The following BCAM variants were observed in gnomAD, a reference collection of about 807,000 sequenced individuals.
BCAM encodes the protein basal cell adhesion molecule.
Under a neutral mutation model 72.4 loss-of-function variants are expected in BCAM, and 61 were observed. The observed-to-expected ratio is 0.84, with a 90% CI of 0.69 to 1.04. The LOEUF (loss-of-function observed/expected upper bound fraction) is 1.04. BCAM is among the 50% of genes least tolerant of loss of function. The pLI, the probability that BCAM is intolerant of heterozygous loss-of-function variation, is 0.00. For missense variants in BCAM, 909 were observed against 895.0 expected (o/e 1.02, Z -0.20); for synonymous variants, 408 against 384.2 (o/e 1.06, Z -0.73).
In BCAM at chr19:44,811,332, C is replaced by T; in HGVS notation, c.190C>T (p.Leu64=). 1.2e-6 allele frequency: 2 copies of T among 1,613,104 alleles called. No homozygotes were observed. The highest frequency in any genetic ancestry group is 1.7e-6 in the Non-Finnish European group (2 of 1,179,516). The stretch of plus-strand genomic sequence containing the variant: ...TACGGGAACCCACGACCATTATATG[C>T]TGGAATGGTTCCTTGTGAGTGCTTG... ...TPTGTHDHYM[L]EWFLTDRSGA... The change falls in exon 2 of 15, where the codon CTG becomes TTG. Residue 64 remains leucine (L), a synonymous_variant. Coordinates refer to ENST00000270233, the MANE Select transcript of BCAM (RefSeq NM_005581.5).
chr19:44,817,247 TAAGA>T (rs561698375), intron 8 of BCAM, among the ~76,000 whole-genome samples: 8 of 151,884 alleles, frequency 5.3e-5, no homozygotes, highest in African/African-American at 1.9e-4. Context: ...AAAAAAATAA[TAAGA>T]AGAAGAAATG....
rs934241466 is a variant in BCAM at position 44,814,385 on chromosome 19, C to T, written c.921+97C>T. ...ACTTCTAATGTGGGACCTGGGAGTCCCCATGGCTTAGGCAGCCACCTGATC... is the reference window on the plus strand; with the variant it reads ...ACTTCTAATGTGGGACCTGGGAGTCTCCATGGCTTAGGCAGCCACCTGATC... On this transcript the variant is annotated intron_variant, in intron 7 of 14. Coordinates refer to ENST00000270233, the MANE Select transcript of BCAM (RefSeq NM_005581.5). The surrounding 1 kb of genome is among the most constrained non-coding windows in gnomAD (Gnocchi z 4.6). 1.4e-4 allele frequency: 203 copies of T among 1,499,856 alleles called. No individual in the cohort carries two copies. The highest frequency in any genetic ancestry group is 1.7e-4 in the Non-Finnish European group (191 of 1,127,970). The allele number at this position is 1,499,856 out of a possible 1,614,324, so 92.9% of individuals were successfully genotyped here.
In BCAM at chr19:44,812,907, A is replaced by G; in HGVS notation, c.505-343A>G. The G allele has an allele frequency of 2.4e-6, 1 of 411,060 alleles. No homozygotes were observed. The highest frequency in any genetic ancestry group is 3.2e-5 in the South Asian group (1 of 31,174). The allele number at this position is 411,060 out of a possible 1,614,324, so 25.5% of individuals were successfully genotyped here. On this transcript the variant is annotated intron_variant, in intron 4 of 14. Coordinates refer to ENST00000270233, the MANE Select transcript of BCAM (RefSeq NM_005581.5). The surrounding 1 kb of genome is among the most constrained non-coding windows in gnomAD (Gnocchi z 5.3). ...AGAGGCTACAGTGAGCTAAGATCAC[A>G]CCACTGCACTCCAGCCTGGGCCACA...
At position 44,813,995 on chromosome 19, in the gene BCAM, C is replaced by T. The variant is rs752434465; in HGVS notation, c.785-157C>T. Among the ~76,000 whole-genome samples, 16 of 152,330 alleles carry T rather than the reference C, an allele frequency of 1.1e-4. No individual in the cohort carries two copies. Among genetic ancestry groups the T allele is most frequent in the Middle Eastern group, 3.4e-3 (1 of 294 alleles). ...GTTTATTTCAACCTCTGAACTCTGG[C>T]ACTCAGAATAATTGTGAACCTGAGG... On this transcript the variant is annotated intron_variant, in intron 6 of 14. Coordinates refer to ENST00000270233, the MANE Select transcript of BCAM (RefSeq NM_005581.5). This position sits in a 1 kb window ranked among gnomAD's most constrained non-coding sequence, Gnocchi z 4.2.
rs780193506 is a variant in BCAM, at chr19:44,813,234, C to T, written c.505-16C>T. On this transcript the variant is annotated splice_polypyrimidine_tract_variant and intron_variant, in intron 4 of 14. Transcript: ENST00000270233. The surrounding 1 kb of genome is among the most constrained non-coding windows in gnomAD (Gnocchi z 4.2). ...TCCCAGCTCCAAGCCCAGGGCCATG[C>T]CCGTGTCTGCCTCAGATCGCCACCT... 4 of 1,613,404 alleles carry T rather than the reference C, an allele frequency of 2.5e-6. No individual in the cohort carries two copies. Among genetic ancestry groups the T allele is most frequent in the African/African-American group, 1.3e-5 (1 of 74,932 alleles).
Position 44,814,133 on chromosome 19 carries a change from C to A in BCAM, c.785-19C>A. 1 of 1,569,024 alleles carries A rather than the reference C, an allele frequency of 6.4e-7. No homozygotes were observed. Among genetic ancestry groups the A allele is most frequent in the Admixed American group, 1.9e-5 (1 of 53,724 alleles). On this transcript the variant is annotated intron_variant, in intron 6 of 14. Transcript: ENST00000270233. The surrounding 1 kb of genome is among the most constrained non-coding windows in gnomAD (Gnocchi z 4.6). ...CCCTTCCCCTGATCACAATTCCCAT[C>A]TCCCTGCCCTTCCCTTAGATCCCAC...
intron 1 of BCAM, 74 bp from the exon 2 acceptor site, chr19:44,811,151 G>A (rs995940958): frequency 1.2e-5 from 20 of 1,602,552 alleles, no homozygotes; most frequent in Non-Finnish European, 1.6e-5. Flanking sequence ...CTTGTGTCCT[G>A]GGGGAGAGGG....
rs1345855271 is a variant in BCAM, at chr19:44,812,009, G to A, written c.205-154G>A. The A allele has an allele frequency of 4.2e-6, 3 of 708,378 alleles. No individual in the cohort carries two copies. The highest frequency in any genetic ancestry group is 3.6e-5 in the African/African-American group (2 of 55,108). The allele number at this position is 708,378 out of a possible 1,614,324, so 43.9% of individuals were successfully genotyped here. A position where few individuals can be genotyped will look rare whatever the true frequency, so the allele number is the denominator to read the frequency against. On this transcript the variant is annotated intron_variant, in intron 2 of 14. Coordinates refer to ENST00000270233, the MANE Select transcript of BCAM (RefSeq NM_005581.5). The surrounding 1 kb of genome is among the most constrained non-coding windows in gnomAD (Gnocchi z 5.3). ...AATCAAGAACTGATAGGGAATGGGG[G>A]CAGGAGAAGGTGGGGAGGGACAGAG...
rs1568574058 is a variant in BCAM at position 44,818,528 on chromosome 19, A to G, written c.1085A>G (p.Asp362Gly). ...AGACTGTCCCCCACTGCAGATCTGGACCCCCTGGAGCTCAGCGAGGGGAAG... is the reference window on the plus strand; with the variant it reads ...AGACTGTCCCCCACTGCAGATCTGGGCCCCCTGGAGCTCAGCGAGGGGAAG... Reference protein sequence around the residue: ...KTLELRVAYLDPLELSEGKVL... With the variant: ...KTLELRVAYLGPLELSEGKVL... The change falls in exon 9 of 15, where the codon GAC becomes GGC. Residue 362 changes from aspartate to glycine, a missense_variant. Coordinates refer to ENST00000270233, the MANE Select transcript of BCAM (RefSeq NM_005581.5). This position sits in a 1 kb window ranked among gnomAD's most constrained non-coding sequence, Gnocchi z 4.6. 1 of 1,613,314 alleles carries G rather than the reference A, an allele frequency of 6.2e-7. No individual in the cohort carries two copies. The highest frequency in any genetic ancestry group is 1.7e-5 in the Admixed American group (1 of 59,956).
At position 44,820,711 on chromosome 19, in the gene BCAM, A is replaced by G; in HGVS notation, c.1770A>G (p.Pro590=). The change falls in exon 14 of 15, where the codon CCA becomes CCG. Residue 590 remains proline (P), a synonymous_variant. Coordinates refer to ENST00000270233, the MANE Select transcript of BCAM (RefSeq NM_005581.5). ...CGCTGCCTCCTCCCCCCAGGCCGCC[A>G]GGGGAGCCAGGGCTGAGCCACTCGG... ...RQRREKGAPP[P]GEPGLSHSGS... The G allele has an allele frequency of 1.5e-6, 2 of 1,365,592 alleles. No homozygotes were observed. Among genetic ancestry groups the G allele is most frequent in the East Asian group, 2.9e-5 (1 of 34,480 alleles). The allele number at this position is 1,365,592 out of a possible 1,614,324, so 84.6% of individuals were successfully genotyped here. A position where few individuals can be genotyped will look rare whatever the true frequency, so the allele number is the denominator to read the frequency against.
chr19:44,820,373 C>T lies in BCAM; in HGVS notation c.1764-332C>T, dbSNP rs894393275. 8.9e-6 allele frequency: 10 copies of T among 1,118,016 alleles called. No homozygotes were observed. In the African/African-American group the frequency reaches 1.6e-4, roughly 18 times the overall value. The allele number at this position is 1,118,016 out of a possible 1,614,324, so 69.3% of individuals were successfully genotyped here. A position where few individuals can be genotyped will look rare whatever the true frequency, so the allele number is the denominator to read the frequency against. On this transcript the variant is annotated intron_variant, in intron 13 of 14. Coordinates refer to ENST00000270233, the MANE Select transcript of BCAM (RefSeq NM_005581.5). ...GACTCCAAATCCAACCCCTAAGCCTCCCCAAGCTCCTCCTCATCTAACCTT... is the reference window on the plus strand; with the variant it reads ...GACTCCAAATCCAACCCCTAAGCCTTCCCAAGCTCCTCCTCATCTAACCTT...
chr19:44,809,459 C>T (rs1368599367), intron 1 of BCAM, among the ~76,000 whole-genome samples: 2 of 152,038 alleles, frequency 1.3e-5, no homozygotes, highest in African/African-American at 4.8e-5. Flanking sequence ...ACTCAGCACC[C>T]TGGAATCTGG....
At position 44,813,091 on chromosome 19, in the gene BCAM, A is replaced by T; in HGVS notation, c.505-159A>T. Reference sequence around the variant, plus strand: ...ATGGTGCTGGAGGCCTGGACTCTTTAGTCTGAGTCGGGGACTAGGAATTTG... The same window carrying T: ...ATGGTGCTGGAGGCCTGGACTCTTTTGTCTGAGTCGGGGACTAGGAATTTG... On this transcript the variant is annotated intron_variant, in intron 4 of 14. Transcript: ENST00000270233. The surrounding 1 kb of genome is among the most constrained non-coding windows in gnomAD (Gnocchi z 4.2). 2.7e-6 allele frequency: 2 copies of T among 750,104 alleles called. No homozygotes were observed. Among genetic ancestry groups the T allele is most frequent in the Non-Finnish European group, 4.3e-6 (2 of 469,728 alleles). The allele number at this position is 750,104 out of a possible 1,614,324, so 46.5% of individuals were successfully genotyped here. A position where few individuals can be genotyped will look rare whatever the true frequency, so the allele number is the denominator to read the frequency against.
rs113112320 is a variant in BCAM, at chr19:44,820,440, G to A, written c.1764-265G>A. The A allele has an allele frequency of 4.0e-5, 49 of 1,210,730 alleles. No homozygotes were observed. In the Admixed American group the frequency reaches 9.0e-4, roughly 22 times the overall value. 75.0% of individuals were successfully genotyped at this position (1,210,730 alleles called of 1,614,324 possible). ...ACATGGCCGTCCTCACCTCCAATCC[G>A]TAACCATCCCAGACCGATCCCAAAG... On this transcript the variant is annotated intron_variant, in intron 13 of 14. Transcript: ENST00000270233.
At chr19:44,816,764 C>T (rs965187459) in intron 8 of BCAM, among the ~76,000 whole-genome samples, 14 of 151,558 alleles carry the variant, frequency 9.2e-5, no homozygotes, top group Non-Finnish European at 1.6e-4. Context: ...CATGGTGAAA[C>T]CCCATCTCTA....
In BCAM at chr19:44,818,575, A is replaced by G. The variant is rs1968531587; in HGVS notation, c.1132A>G (p.Ser378Gly). The stretch of plus-strand genomic sequence containing the variant: ...GAAGGTGCTTTCCTTACCTCTAAAC[A>G]GCAGTGCAGTCGTGAACTGCTCCGT... ...EGKVLSLPLN[S>G]SAVVNCSVHG... Residue 378 changes from serine to glycine, a missense_variant, in exon 9 of 15, where the codon AGC becomes GGC. Transcript: ENST00000270233. The surrounding 1 kb of genome is among the most constrained non-coding windows in gnomAD (Gnocchi z 4.6). The G allele has an allele frequency of 6.2e-7, 1 of 1,613,872 alleles. No individual in the cohort carries two copies. The highest frequency in any genetic ancestry group is 8.5e-7 in the Non-Finnish European group (1 of 1,179,952).
chr19:44,819,827 C>T, intron 13 of BCAM, 101 bp downstream of exon 13: 1 of 1,437,532 alleles, frequency 7.0e-7, no homozygotes, highest in Non-Finnish European at 9.1e-7. Flanking sequence ...TATCCTCCAC[C>T]CCACATCCCA....
Position 44,818,922 on chromosome 19 carries a change from G to T in BCAM, c.1336+40G>T. On this transcript the variant is annotated intron_variant, in intron 10 of 14. Coordinates refer to ENST00000270233, the MANE Select transcript of BCAM (RefSeq NM_005581.5). This position sits in a 1 kb window ranked among gnomAD's most constrained non-coding sequence, Gnocchi z 4.6. ...GAGGGGGTGGGCTTGGATGGGGACA[G>T]TGTGGGGTGTGGGACCTGGACAAAC... 6.2e-7 allele frequency: 1 copy of T among 1,605,762 alleles called. No homozygotes were observed. Among genetic ancestry groups the T allele is most frequent in the Non-Finnish European group, 8.5e-7 (1 of 1,175,924 alleles).
At chr19:44,815,258 C>G (rs1025424100) in intron 8 of BCAM, among the ~76,000 whole-genome samples, 1 of 152,140 alleles carries the variant, frequency 6.6e-6, no homozygotes, top group Non-Finnish European at 1.5e-5. Context: ...CCCATCCTTC[C>G]TACCGTCTAT....
Sources: gnomAD v4.1 joint callset for allele counts (sites outside exome capture counted in the v4.1 genomes callset) on GRCh38, gnomAD v4.1.1 for gene constraint, Gnocchi (gnomAD v3.1) non-coding constraint, MANE v1.5 for transcripts, NCBI Gene and HGNC (gene_info 2026-07-23, HGNC 2026-07-21) for gene names.